Variants in NRXN1 observed in about 807,000 individuals in gnomAD.
NRXN1 encodes neurexin-1.
In NRXN1, 39 loss-of-function variants were observed where a neutral mutation model predicts 150.9. The observed-to-expected ratio is 0.26, with a 90% CI of 0.20 to 0.34. The LOEUF (loss-of-function observed/expected upper bound fraction) is 0.34. NRXN1 is among the 10% of genes least tolerant of loss of function. The pLI, the probability that NRXN1 is intolerant of heterozygous loss-of-function variation, is 1.00. For missense variants in NRXN1, 1,815 were observed against 1,949.9 expected (o/e 0.93, Z 1.30); for synonymous variants, 924 against 757.0 (o/e 1.22, Z -3.62).
At chr2:50,807,340 A>G (rs1667635483) in intron 5 of NRXN1, among the ~76,000 whole-genome samples, 1 of 152,130 alleles carries the variant, frequency 6.6e-6, no homozygotes, top group South Asian at 2.1e-4. Context: ...CAACTAACTA[A>G]TATCAAGGAC....
At chr2:50,309,636 G>C (rs2074991689) in intron 17 of NRXN1, among the ~76,000 whole-genome samples, 1 of 152,154 alleles carries the variant, frequency 6.6e-6, no homozygotes. Context: ...AATCAGGCCA[G>C]TTTATCACCC....
chr2:50,035,063 A>G (rs977570323), intron 21 of NRXN1, among the ~76,000 whole-genome samples: 8 of 152,160 alleles, frequency 5.3e-5, no homozygotes, highest in African/African-American at 4.8e-5. Flanking sequence ...AAGGGTACAT[A>G]ATGCTAAAAT....
At chr2:50,053,856 T>G (rs1693182051) in intron 20 of NRXN1, among the ~76,000 whole-genome samples, 2 of 152,210 alleles carry the variant, frequency 1.3e-5, no homozygotes. Context: ...CAGTTTTTAG[T>G]GGATCCCTTT....
intron 18 of NRXN1, among the ~76,000 whole-genome samples, chr2:50,204,710 T>C (rs2152837198): frequency 6.6e-6 from 1 of 152,182 alleles, no homozygotes; most frequent in Non-Finnish European, 1.5e-5. Context: ...TATATGGGAA[T>C]AAATGTTGGC....
chr2:50,128,533 T>C (rs1486006169), intron 18 of NRXN1, among the ~76,000 whole-genome samples: 1 of 152,060 alleles, frequency 6.6e-6, no homozygotes, highest in East Asian at 1.9e-4. Flanking sequence ...TCCAAGAAAA[T>C]GTGAATGATA....
intron 12 of NRXN1, among the ~76,000 whole-genome samples, chr2:50,520,165 G>C (rs2092746260): frequency 6.6e-6 from 1 of 151,674 alleles, no homozygotes; most frequent in Non-Finnish European, 1.5e-5. Context: ...TGAAATCCTA[G>C]GCTACTTTTA....
intron 19 of NRXN1, among the ~76,000 whole-genome samples, chr2:50,090,749 A>G (rs1699445686): frequency 6.6e-6 from 1 of 152,158 alleles, no homozygotes; most frequent in African/African-American, 2.4e-5. Flanking sequence ...AAGAATCCTC[A>G]TGAAACTCTA....
At chr2:50,943,266 A>C (rs146138152) in intron 2 of NRXN1, among the ~76,000 whole-genome samples, 69 of 152,298 alleles carry the variant, frequency 4.5e-4, no homozygotes, top group Middle Eastern at 3.4e-3. Flanking sequence ...AGCAGTGTAA[A>C]AATAAACTAA....
intron 2 of NRXN1, among the ~76,000 whole-genome samples, chr2:50,961,238 T>C (rs2104692049): frequency 6.6e-6 from 1 of 152,046 alleles, no homozygotes; most frequent in South Asian, 2.1e-4. Context: ...TGATAACATG[T>C]ATTCAAATTA....
At chr2:50,562,811 G>A (rs544610755) in intron 8 of NRXN1, among the ~76,000 whole-genome samples, 5 of 152,106 alleles carry the variant, frequency 3.3e-5, no homozygotes, top group African/African-American at 1.2e-4. Flanking sequence ...GGCTGAGCAC[G>A]CTGTTCTGTT....
At chr2:50,545,238 C>T (rs925334853) in intron 9 of NRXN1, among the ~76,000 whole-genome samples, 2 of 152,082 alleles carry the variant, frequency 1.3e-5, no homozygotes, top group African/African-American at 2.4e-5. Context: ...TACAAAAATG[C>T]ACATATATAA....
intron 5 of NRXN1, among the ~76,000 whole-genome samples, chr2:50,813,998 C>G (rs964771455): frequency 1.3e-5 from 2 of 152,042 alleles, no homozygotes; most frequent in Non-Finnish European, 2.9e-5. Flanking sequence ...ATGAAGACTG[C>G]TTATTCTTAG....
intron 10 of NRXN1, among the ~76,000 whole-genome samples, chr2:50,535,498 T>C (rs2093233239): frequency 6.6e-6 from 1 of 152,214 alleles, no homozygotes. Context: ...TGTCCCTCCA[T>C]CTGTTAGAAT....
chr2:50,992,343 ACAGC>A (rs1482398513), intron 2 of NRXN1, among the ~76,000 whole-genome samples: 1 of 152,014 alleles, frequency 6.6e-6, no homozygotes, highest in African/African-American at 2.4e-5. Flanking sequence ...CAGGTAGCAA[ACAGC>A]AGAAAATATT....
Position 51,027,893 on chromosome 2 carries a change from C to A in NRXN1, c.381G>T (p.Thr127=), listed in dbSNP as rs769257742. The A allele has an allele frequency of 3.1e-6, 5 of 1,611,022 alleles. No individual in the cohort carries two copies. The highest frequency in any genetic ancestry group is 2.2e-5 in the East Asian group (1 of 44,850). ...TGGCCTCCACCTGGTCGATGAAGAG[C>A]GTGGTGTTGCGGAACTGGCGGCGGA... ...VRIRRQFRNT[T]LFIDQVEAKW... The change falls in exon 2 of 23, where the codon ACG becomes ACT. Residue 127 remains threonine, a synonymous_variant. Transcript: ENST00000401669.
chr2:50,634,103 T>C (rs956662933), intron 5 of NRXN1, among the ~76,000 whole-genome samples: 8 of 152,196 alleles, frequency 5.3e-5, no homozygotes, highest in African/African-American at 1.7e-4. Context: ...GGCTATGTCA[T>C]GTAAGTCCTT....
intron 12 of NRXN1, among the ~76,000 whole-genome samples, chr2:50,510,323 T>G (rs2092401472): frequency 6.6e-6 from 1 of 151,218 alleles, no homozygotes; most frequent in South Asian, 2.1e-4. Flanking sequence ...CTCTCTCTAC[T>G]AAAAATACAA....
At chr2:50,569,514 A>G (rs1453313426) in intron 8 of NRXN1, among the ~76,000 whole-genome samples, 3 of 152,092 alleles carry the variant, frequency 2.0e-5, no homozygotes, top group Non-Finnish European at 2.9e-5. Flanking sequence ...TTTGTTATAT[A>G]TATTATATGT....
At chr2:50,404,867 A>G (rs1037417858) in intron 17 of NRXN1, among the ~76,000 whole-genome samples, 4 of 152,078 alleles carry the variant, frequency 2.6e-5, no homozygotes, top group African/African-American at 9.7e-5. Context: ...TTGAGAGAGT[A>G]ACAGGGTTTC....
Sources: gnomAD v4.1 joint callset for allele counts (sites outside exome capture counted in the v4.1 genomes callset) on GRCh38, gnomAD v4.1.1 for gene constraint, MANE v1.5 for transcripts, NCBI Gene and HGNC (gene_info 2026-07-23, HGNC 2026-07-21) for gene names.